Variants in HS3ST3A1 observed in about 807,000 individuals in gnomAD.
HS3ST3A1 encodes the protein heparan sulfate glucosamine 3-O-sulfotransferase 3A1.
Under a neutral mutation model 25.7 loss-of-function variants are expected in HS3ST3A1, and 19 were observed. That is an observed-to-expected ratio of 0.74 (90% CI 0.52 to 1.08). The LOEUF is 1.08. Among genes scored for constraint, HS3ST3A1 ranks in the 50% least tolerant of loss-of-function variants. HS3ST3A1 has a pLI of 0.00. For synonymous variants in HS3ST3A1, 226 were observed against 278.6 expected, an observed-to-expected ratio of 0.81 and a Z score of 1.88; for missense variants, 459 against 594.3, an observed-to-expected ratio of 0.77 and a Z score of 2.37.
intron 1 of HS3ST3A1, among the ~76,000 whole-genome samples, chr17:13,569,203 C>A (rs903927792): frequency 6.6e-6 from 1 of 152,204 alleles, no homozygotes; most frequent in Non-Finnish European, 1.5e-5. Context: ...TGGGCTACAG[C>A]AGCCTCAGCC....
chr17:13,565,978 C>T (rs1048334893), intron 1 of HS3ST3A1, among the ~76,000 whole-genome samples: 5 of 152,142 alleles, frequency 3.3e-5, no homozygotes, highest in African/African-American at 1.2e-4. Context: ...TCATTGTTAA[C>T]GTTTTTCAGC....
chr17:13,553,759 C>CA (rs1397432541), intron 1 of HS3ST3A1, among the ~76,000 whole-genome samples: 1 of 152,148 alleles, frequency 6.6e-6, no homozygotes, highest in Non-Finnish European at 1.5e-5. Context: ...ACTAGTTTAT[C>CA]AAAATACCTT....
At chr17:13,596,438 C>CACAT (rs757626020) in intron 1 of HS3ST3A1, among the ~76,000 whole-genome samples, 22 of 151,610 alleles carry the variant, frequency 1.5e-4, no homozygotes, top group African/African-American at 4.4e-4. Context: ...CACACACACA[C>CACAT]ACACACACAC....
chr17:13,585,231 G>T (rs62053910), intron 1 of HS3ST3A1, among the ~76,000 whole-genome samples: 1 of 91,478 alleles, frequency 1.1e-5, no homozygotes. Context: ...ACAGAGTCTT[G>T]CTCTGTCGCC....
chr17:13,560,674 T>C (rs1015501658), intron 1 of HS3ST3A1, among the ~76,000 whole-genome samples: 8 of 152,164 alleles, frequency 5.3e-5, no homozygotes, highest in African/African-American at 1.7e-4. Context: ...TTACTAAAAA[T>C]CATGAGTAAA....
chr17:13,591,747 C>G (rs1355131236), intron 1 of HS3ST3A1, among the ~76,000 whole-genome samples: 1 of 151,528 alleles, frequency 6.6e-6, no homozygotes, highest in Admixed American at 6.6e-5. Flanking sequence ...CAGCCTCTGC[C>G]TCCTGGGCTT....
At chr17:13,547,371 C>T (rs992704534) in intron 1 of HS3ST3A1, among the ~76,000 whole-genome samples, 16 of 152,226 alleles carry the variant, frequency 1.1e-4, no homozygotes, top group East Asian at 5.8e-4. Flanking sequence ...GAAAGACCAA[C>T]GCACCATTAG....
chr17:13,577,374 T>C (rs947604041), intron 1 of HS3ST3A1, among the ~76,000 whole-genome samples: 3 of 152,222 alleles, frequency 2.0e-5, no homozygotes, highest in Admixed American at 1.3e-4. Context: ...TATCAGTTCA[T>C]TGTATTCCTG....
rs189301964 is a variant in HS3ST3A1 at position 13,576,278 on chromosome 17, C to G, written c.599+24253G>C. On this transcript the variant is annotated intron_variant, in intron 1 of 1. Coordinates refer to ENST00000284110, the MANE Select transcript of HS3ST3A1 (RefSeq NM_006042.3). ...CTCAGCTCAGTGTATCTCTTGCGAT[C>G]ACAGTCATCAGCTGGAGCTGCAGAC... is the stretch of plus-strand genomic sequence containing the variant. Among the ~76,000 whole-genome samples the G allele has an allele frequency of 3.8e-4, 58 of 152,328 alleles. 1 individual carries two copies. The highest frequency in any genetic ancestry group is 1.2e-3 in the African/African-American group (51 of 41,570).
chr17:13,534,471 A>G (rs1906705299), intron 1 of HS3ST3A1, among the ~76,000 whole-genome samples: 2 of 131,738 alleles, frequency 1.5e-5, no homozygotes, highest in African/African-American at 5.7e-5. Flanking sequence ...TGGGAGGTGG[A>G]GGGAGGTGGA....
intron 1 of HS3ST3A1, among the ~76,000 whole-genome samples, chr17:13,549,472 G>A (rs900240113): frequency 2.0e-5 from 3 of 152,198 alleles, no homozygotes; most frequent in Non-Finnish European, 4.4e-5. Flanking sequence ...GCATTGCACT[G>A]CTCAGCCTCT....
chr17:13,537,550 C>A (rs1389036626), intron 1 of HS3ST3A1, among the ~76,000 whole-genome samples: 1 of 152,162 alleles, frequency 6.6e-6, no homozygotes, highest in Non-Finnish European at 1.5e-5. Flanking sequence ...TCTGTCCTCC[C>A]AATCTTGAAT....
chr17:13,523,676 C>T (rs529444810), intron 1 of HS3ST3A1, among the ~76,000 whole-genome samples: 52 of 152,206 alleles, frequency 3.4e-4, no homozygotes, highest in Non-Finnish European at 1.9e-4. Context: ...AGTTTTCTCT[C>T]GGTAAGTTTT....
chr17:13,554,075 C>CA (rs1289407641), intron 1 of HS3ST3A1, among the ~76,000 whole-genome samples: 3 of 152,022 alleles, frequency 2.0e-5, no homozygotes, highest in African/African-American at 7.3e-5. Context: ...GCCAGAGACT[C>CA]AAAAAAAGTC....
At position 13,600,644 on chromosome 17, in the gene HS3ST3A1, C is replaced by G. The variant is rs751016209; in HGVS notation, c.486G>C (p.Lys162Asn). 6.3e-7 allele frequency: 1 copy of G among 1,594,720 alleles called. No homozygotes were observed. Among genetic ancestry groups the G allele is most frequent in the Non-Finnish European group, 8.5e-7 (1 of 1,176,104 alleles). ...LPQAIIIGVK[K>N]GGTRALLEFL... is the part of the protein sequence containing the mutation. ...ACTCCAGCAGCGCCCGCGTGCCGCC[C>G]TTCTTCACTCCGATGATGATGGCCT... is the stretch of plus-strand genomic sequence containing the variant. The change falls in exon 1 of 2, where the codon AAG (lysine) becomes AAC (asparagine). Residue 162 changes from lysine to asparagine, a missense_variant. Around this residue, in one of 3 missense-constraint regions of HS3ST3A1, gnomAD observed 346 missense variants for 303.9 expected, o/e 1.14. Transcript: ENST00000284110.
At chr17:13,589,750 C>T (rs1379860633) in intron 1 of HS3ST3A1, among the ~76,000 whole-genome samples, 2 of 152,166 alleles carry the variant, frequency 1.3e-5, no homozygotes, top group Non-Finnish European at 2.9e-5. Context: ...ATCACTGCAT[C>T]GTGGCAGCGT....
At chr17:13,502,652 C>T (rs899540122) in intron 1 of HS3ST3A1, among the ~76,000 whole-genome samples, 9 of 152,162 alleles carry the variant, frequency 5.9e-5, no homozygotes, top group Non-Finnish European at 1.2e-4. Flanking sequence ...TACCCTATTA[C>T]CCTTCCCCAT....
chr17:13,547,940 G>C, intron 1 of HS3ST3A1, among the ~76,000 whole-genome samples: 1 of 97,622 alleles, frequency 1.0e-5, no homozygotes. Context: ...TGGTTGGTGT[G>C]AGCCAAAAAA....
At chr17:13,518,798 C>T (rs1022577834) in intron 1 of HS3ST3A1, among the ~76,000 whole-genome samples, 1 of 152,220 alleles carries the variant, frequency 6.6e-6, no homozygotes, top group Non-Finnish European at 1.5e-5. Flanking sequence ...CTAATTCCTT[C>T]TGCACAGGCT....
Sources: allele counts gnomAD v4.1 joint callset (sites outside exome capture counted in the v4.1 genomes callset), GRCh38; gene constraint gnomAD v4.1.1; regional missense constraint gnomAD v4.1.1; transcripts MANE v1.5; gene names NCBI Gene and HGNC (gene_info 2026-07-23, HGNC 2026-07-21).